COP1: variants seen among roughly 807,000 people sequenced by gnomAD.
COP1 encodes COP1 E3 ubiquitin ligase, also known as E3 ubiquitin-protein ligase COP1.
A neutral mutation model predicts 101.3 loss-of-function variants in COP1; 24 were observed. The observed-to-expected ratio is 0.24, with a 90% CI of 0.17 to 0.33. The LOEUF is 0.33. Among genes scored for constraint, COP1 ranks in the 10% least tolerant of loss-of-function variants. The pLI is 1.00. For missense variants in COP1, 663 were observed against 906.2 expected (o/e 0.73, Z 3.45); for synonymous variants, 347 against 341.9 (o/e 1.01, Z -0.17).
rs145309843 is a variant in COP1, at chr1:176,010,057, C to T, written c.1729+17515G>A. Among the ~76,000 whole-genome samples, 400 of 152,188 alleles carry T rather than the reference C, an allele frequency of 2.6e-3. 3 individuals carry two copies. The highest frequency in any genetic ancestry group is 9.2e-3 in the African/African-American group (382 of 41,526). On this transcript the variant is annotated intron_variant, in intron 15 of 19. Transcript: ENST00000367669. ...AAAAAATATCCAGTCTGCAAAGAAG[C>T]TGAAAGAACAGCACAATGAATAACC... is the stretch of plus-strand genomic sequence containing the variant.
At chr1:175,973,398 C>G (rs944965874) in intron 18 of COP1, among the ~76,000 whole-genome samples, 1 of 152,102 alleles carries the variant, frequency 6.6e-6, no homozygotes, top group African/African-American at 2.4e-5. Context: ...TATTTTTAAA[C>G]CAGCCCATGA....
At chr1:176,072,226 T>C (rs1677127685) in intron 11 of COP1, among the ~76,000 whole-genome samples, 1 of 152,232 alleles carries the variant, frequency 6.6e-6, no homozygotes, top group Non-Finnish European at 1.5e-5. Context: ...AAAGGAATAT[T>C]TTTCAACAAG....
At chr1:176,103,379 ACT>A (rs1365840159) in intron 9 of COP1, among the ~76,000 whole-genome samples, 2 of 152,040 alleles carry the variant, frequency 1.3e-5, no homozygotes, top group African/African-American at 2.4e-5. Context: ...GCTCTATAAA[ACT>A]CTATAAAGCT....
chr1:176,151,460 A>T (rs1174887362), intron 5 of COP1, among the ~76,000 whole-genome samples: 9 of 152,234 alleles, frequency 5.9e-5, no homozygotes, highest in Admixed American at 5.9e-4. Flanking sequence ...GTACTCTACA[A>T]TACAGCAAGT....
chr1:176,056,967 T>TA (rs1673618139), intron 11 of COP1, among the ~76,000 whole-genome samples: 1 of 152,206 alleles, frequency 6.6e-6, no homozygotes, highest in Non-Finnish European at 1.5e-5. Flanking sequence ...CCAATCCTAC[T>TA]CATCATATTC....
chr1:176,005,541 G>C (rs1169748051), intron 15 of COP1, among the ~76,000 whole-genome samples: 1 of 152,098 alleles, frequency 6.6e-6, no homozygotes, highest in African/African-American at 2.4e-5. Context: ...CAGAGATTCT[G>C]GTATGTTGTG....
intron 17 of COP1, 80 bp from the exon 18 acceptor site, chr1:175,987,183 G>T: frequency 2.8e-6 from 2 of 716,222 alleles, no homozygotes; most frequent in Non-Finnish European, 4.3e-6. Flanking sequence ...GTAATTATCA[G>T]CCAAAGTTAT....
Position 176,057,484 on chromosome 1 carries a change from G to A in COP1, c.1278-11160C>T, listed in dbSNP as rs989045892. Among the ~76,000 whole-genome samples the A allele has an allele frequency of 3.9e-5, 6 of 152,196 alleles. No homozygotes were observed. In the East Asian group the frequency reaches 7.7e-4, roughly 20 times the overall value. On this transcript the variant is annotated intron_variant, in intron 11 of 19. Coordinates refer to ENST00000367669, the MANE Select transcript of COP1 (RefSeq NM_022457.7). ...CGAGTGCCTGCGATTGCAGGCGCGC[G>A]CCGCCACGCCTGATTGGTTTTCGTA...
chr1:176,112,039 C>T (rs1414240737), intron 9 of COP1, among the ~76,000 whole-genome samples: 3 of 152,094 alleles, frequency 2.0e-5, no homozygotes, highest in African/African-American at 7.2e-5. Context: ...GCTCTTCTTC[C>T]ATAAGTATTT....
At chr1:176,026,266 C>A (rs116180036) in intron 15 of COP1, among the ~76,000 whole-genome samples, 3,375 of 151,908 alleles carry the variant, frequency 0.022, 46 homozygotes, top group Non-Finnish European at 0.034. Flanking sequence ...AAATGATGGC[C>A]AGTATGTTTA....
At chr1:175,971,171 G>A (rs1653158825) in intron 18 of COP1, among the ~76,000 whole-genome samples, 1 of 152,190 alleles carries the variant, frequency 6.6e-6, no homozygotes, top group African/African-American at 2.4e-5. Flanking sequence ...GACTGATAAA[G>A]CCAGAAGGAA....
chr1:176,189,983 A>G (rs1698943601), intron 1 of COP1, among the ~76,000 whole-genome samples: 2 of 152,074 alleles, frequency 1.3e-5, no homozygotes, highest in African/African-American at 4.8e-5. Context: ...AGAAAGGAAC[A>G]CAAGAGTAAA....
chr1:175,970,248 T>C (rs934911922), intron 18 of COP1, among the ~76,000 whole-genome samples: 5 of 152,080 alleles, frequency 3.3e-5, no homozygotes, highest in African/African-American at 1.2e-4. Flanking sequence ...GGAGATAAAA[T>C]GGTTAAAAGA....
intron 15 of COP1, among the ~76,000 whole-genome samples, chr1:176,015,913 C>T (rs1247761201): frequency 6.6e-6 from 1 of 152,056 alleles, no homozygotes; most frequent in African/African-American, 2.4e-5. Context: ...GAAAATTCTT[C>T]TGTAATATGA....
chr1:176,137,022 A>T (rs1689917564), intron 6 of COP1, among the ~76,000 whole-genome samples: 2 of 152,156 alleles, frequency 1.3e-5, no homozygotes, highest in African/African-American at 4.8e-5. Context: ...TGCTGGTATT[A>T]CAGGCGTGAG....
intron 5 of COP1, among the ~76,000 whole-genome samples, chr1:176,160,943 A>G (rs994211131): frequency 1.3e-5 from 2 of 152,194 alleles, no homozygotes; most frequent in Non-Finnish European, 2.9e-5. Flanking sequence ...TAGCTTAGTT[A>G]TATAAGAAGG....
At chr1:176,201,378 T>TG in intron 1 of COP1, among the ~76,000 whole-genome samples, 1 of 152,066 alleles carries the variant, frequency 6.6e-6, no homozygotes, top group Non-Finnish European at 1.5e-5. Context: ...AAAATAATTA[T>TG]ATAAAATATG....
chr1:176,101,473 T>C (rs918077241), intron 9 of COP1, among the ~76,000 whole-genome samples: 2 of 152,162 alleles, frequency 1.3e-5, no homozygotes, highest in East Asian at 3.9e-4. Flanking sequence ...AATCGTGTCT[T>C]TGTACTATGG....
intron 6 of COP1, among the ~76,000 whole-genome samples, chr1:176,146,984 A>T (rs947827754): frequency 6.6e-6 from 1 of 152,204 alleles, no homozygotes; most frequent in Non-Finnish European, 1.5e-5. Context: ...TCCAAAAAGC[A>T]TATTTAACTT....
Sources: gnomAD v4.1 joint callset for allele counts (sites outside exome capture counted in the v4.1 genomes callset) on GRCh38, gnomAD v4.1.1 for gene constraint, MANE v1.5 for transcripts, NCBI Gene and HGNC (gene_info 2026-07-23, HGNC 2026-07-21) for gene names.